The following TMEM232 variants were observed in gnomAD, a reference collection of about 807,000 sequenced individuals.
TMEM232 encodes transmembrane protein 232.
In TMEM232, 80 loss-of-function variants were observed where a neutral mutation model predicts 78.8. The observed-to-expected ratio is 1.01, with a 90% CI of 0.85 to 1.22. The LOEUF (loss-of-function observed/expected upper bound fraction) is 1.22, where lower values mean the gene tolerates loss of function less well. Ranked by LOEUF, TMEM232 falls within the 50% of genes most tolerant of loss-of-function variation. The pLI is 0.00. For missense variants in TMEM232, 881 were observed against 742.2 expected, an observed-to-expected ratio of 1.19 and a Z score of -2.17; for synonymous variants, 297 against 254.3, an observed-to-expected ratio of 1.17 and a Z score of -1.60.
At chr5:110,553,489 T>C (rs532592730) in intron 11 of TMEM232, among the ~76,000 whole-genome samples, 2 of 152,282 alleles carry the variant, frequency 1.3e-5, no homozygotes, top group Admixed American at 1.3e-4. Flanking sequence ...TTGTGACTAT[T>C]GTGAATGGTA....
chr5:110,585,375 T>C (rs898407849), intron 10 of TMEM232, among the ~76,000 whole-genome samples: 2 of 152,132 alleles, frequency 1.3e-5, no homozygotes, highest in Non-Finnish European at 1.5e-5. Flanking sequence ...GTGAAGATGA[T>C]GAAGTAAATT....
chr5:110,568,563 C>T lies in TMEM232; in HGVS notation c.1339G>A (p.Glu447Lys). Residue 447 changes from glutamate to lysine, a missense_variant, in exon 11 of 14, where the codon GAA (glutamate) becomes AAA (lysine). Transcript: ENST00000455884. ...LVYNLVKISW[E>K]LQGDEEQDGL... ...TCCTGTTCTTCGTCTCCTTGAAGTT[C>T]CCATGAAATTTTCACCAGGTTATAC... The T allele has an allele frequency of 1.3e-6, 2 of 1,549,562 alleles. No individual in the cohort carries two copies. Among genetic ancestry groups the T allele is most frequent in the Non-Finnish European group, 1.7e-6 (2 of 1,145,774 alleles).
At chr5:110,458,323 A>G (rs1393540222) in intron 12 of TMEM232, among the ~76,000 whole-genome samples, 1 of 151,182 alleles carries the variant, frequency 6.6e-6, no homozygotes, top group African/African-American at 2.4e-5. Flanking sequence ...ACAAAACAAG[A>G]TCATATGTTG....
In TMEM232 at chr5:110,596,488, G is replaced by T. The variant is rs1157661004; in HGVS notation, c.1276+8621C>A. Among the ~76,000 whole-genome samples the T allele has an allele frequency of 2.6e-5, 4 of 152,296 alleles. No homozygotes were observed. The East Asian group carries it at 7.7e-4, about 29-fold the overall frequency. The stretch of plus-strand genomic sequence containing the variant: ...GAAACTATTCCAATCAACAGAAAAA[G>T]AGGGAATCCTCCCTAACTCATTTTA... On this transcript the variant is annotated intron_variant, in intron 10 of 13. Coordinates refer to ENST00000455884, the MANE Select transcript of TMEM232 (RefSeq NM_001039763.4).
chr5:110,545,686 T>TA (rs1773682030), intron 11 of TMEM232, among the ~76,000 whole-genome samples: 1 of 152,088 alleles, frequency 6.6e-6, no homozygotes, highest in South Asian at 2.1e-4. Context: ...TCATTAAGAA[T>TA]AAAAACAAAT....
At chr5:110,679,125 A>G (rs936444215) in intron 1 of TMEM232, among the ~76,000 whole-genome samples, 1 of 152,168 alleles carries the variant, frequency 6.6e-6, no homozygotes, top group Admixed American at 6.5e-5. Flanking sequence ...AAGTGGCCAT[A>G]CCATGTTTTA....
rs1309632367 is a variant in TMEM232, at chr5:110,642,371, C to T, written c.126G>A (p.Arg42=). 2 of 1,495,974 alleles carry T rather than the reference C, an allele frequency of 1.3e-6. No individual in the cohort carries two copies. Among genetic ancestry groups the T allele is most frequent in the Non-Finnish European group, 8.9e-7 (1 of 1,125,294 alleles). 92.7% of individuals were successfully genotyped at this position (1,495,974 alleles called of 1,614,324 possible). Residue 42 remains arginine (R), a splice_region_variant and synonymous_variant, in exon 3 of 14, where the codon AGG becomes AGA. Coordinates refer to ENST00000455884, the MANE Select transcript of TMEM232 (RefSeq NM_001039763.4). ...HLSGERGHKS[R]PTFSITKEFI... Reference sequence around the variant, plus strand: ...ATTCTTTTGTGATTGAAAATGTTGGCCTAAATAAAACATTGAAAAATTAAC... The same window carrying T: ...ATTCTTTTGTGATTGAAAATGTTGGTCTAAATAAAACATTGAAAAATTAAC...
intron 1 of TMEM232, among the ~76,000 whole-genome samples, chr5:110,716,604 G>A (rs1797042000): frequency 6.6e-6 from 1 of 152,122 alleles, no homozygotes; most frequent in Admixed American, 6.6e-5. Flanking sequence ...TAGAGCTCAA[G>A]TGGTAATGTA....
intron 8 of TMEM232, chr5:110,617,951 G>A (rs111576008): frequency 1.5e-4 from 24 of 159,772 alleles, no homozygotes; most frequent in Middle Eastern, 4.6e-3. Context: ...TGCAGTAAGC[G>A]GAGATCACGG....
At chr5:110,437,923 A>C (rs986130561) in intron 12 of TMEM232, among the ~76,000 whole-genome samples, 3 of 152,118 alleles carry the variant, frequency 2.0e-5, no homozygotes, top group Admixed American at 1.3e-4. Context: ...GCTATTACTC[A>C]AACTATCCCA....
chr5:110,499,384 A>G (rs1485738505), intron 12 of TMEM232, among the ~76,000 whole-genome samples: 1 of 152,078 alleles, frequency 6.6e-6, no homozygotes, highest in Non-Finnish European at 1.5e-5. Flanking sequence ...CACGAGTAGC[A>G]GGGACTACAG....
intron 12 of TMEM232, among the ~76,000 whole-genome samples, chr5:110,472,788 A>G (rs1762823087): frequency 6.6e-6 from 1 of 151,942 alleles, no homozygotes; most frequent in African/African-American, 2.4e-5. Context: ...AAGCCAACTT[A>G]TTTTTGCCAA....
chr5:110,637,956 G>T (rs1580454248), intron 5 of TMEM232, among the ~76,000 whole-genome samples: 2 of 148,726 alleles, frequency 1.3e-5, no homozygotes, highest in South Asian at 2.1e-4. Context: ...GAAGTATATT[G>T]TTTTTTTAAT....
At chr5:110,669,936 T>G (rs920231142) in intron 1 of TMEM232, among the ~76,000 whole-genome samples, 2 of 152,128 alleles carry the variant, frequency 1.3e-5, no homozygotes, top group African/African-American at 4.8e-5. Flanking sequence ...CAACAACCCT[T>G]CATGCTAAAA....
chr5:110,506,331 GTA>G lies in TMEM232; in HGVS notation c.1703+22255_1703+22256del, dbSNP rs1766897856. Among the ~76,000 whole-genome samples the G allele has an allele frequency of 3.3e-5, 5 of 152,156 alleles. 1 individual carries two copies. In the South Asian group the frequency reaches 1.0e-3, roughly 32 times the overall value. ...TGTTTTCCTCAGATGGTTAAATCTAGTATTTTTAAAATCTACTTGAGTTCAAA... is the reference window on the plus strand; with the variant it reads ...TGTTTTCCTCAGATGGTTAAATCTAGTTTTTAAAATCTACTTGAGTTCAAA... On this transcript the variant is annotated intron_variant, in intron 12 of 13. Transcript: ENST00000455884.
intron 12 of TMEM232, among the ~76,000 whole-genome samples, chr5:110,494,439 T>C (rs1206838002): frequency 1.3e-5 from 2 of 152,114 alleles, no homozygotes; most frequent in Non-Finnish European, 1.5e-5. Context: ...TAACCAGTTC[T>C]ATAGTACTAC....
At chr5:110,663,822 A>G (rs537528082) in intron 2 of TMEM232, among the ~76,000 whole-genome samples, 60 of 151,982 alleles carry the variant, frequency 3.9e-4, no homozygotes, top group Non-Finnish European at 7.8e-4. Context: ...AGCATCAAGC[A>G]AATTTTTAAA....
intron 11 of TMEM232, among the ~76,000 whole-genome samples, chr5:110,532,725 T>C (rs1264481492): frequency 2.0e-5 from 3 of 151,904 alleles, no homozygotes; most frequent in African/African-American, 7.3e-5. Flanking sequence ...CCCCCCACCT[T>C]AACACACAAG....
intron 12 of TMEM232, among the ~76,000 whole-genome samples, chr5:110,459,403 T>C (rs1761250405): frequency 6.6e-6 from 1 of 152,004 alleles, no homozygotes; most frequent in Non-Finnish European, 1.5e-5. Context: ...AAATAAAAGG[T>C]TTTTTAATCT....
Sources: gnomAD v4.1 joint callset for allele counts (sites outside exome capture counted in the v4.1 genomes callset) on GRCh38, gnomAD v4.1.1 for gene constraint, MANE v1.5 for transcripts, NCBI Gene and HGNC (gene_info 2026-07-23, HGNC 2026-07-21) for gene names.